Variants in DMD observed in about 807,000 individuals in gnomAD.
The protein encoded by DMD is mutant dystrophin.
Under a neutral mutation model 330.1 loss-of-function variants are expected in DMD, and 63 were observed. The observed-to-expected ratio is 0.19, with a 90% CI of 0.16 to 0.24. The LOEUF is 0.24. Ranked by LOEUF, DMD falls within the 10% of genes least tolerant of loss-of-function variation. The pLI is 1.00. For synonymous variants in DMD, 1,223 were observed against 959.8 expected, an observed-to-expected ratio of 1.27 and a Z score of -5.07; for missense variants, 3,344 against 2,684.1, an observed-to-expected ratio of 1.25 and a Z score of -5.43.
chrX:31,925,380 T>G (rs2094755616), intron 47 of DMD, among the ~76,000 whole-genome samples: 2 of 111,443 alleles, frequency 1.8e-5, no homozygotes, highest in South Asian at 7.5e-4. Flanking sequence ...ATATTTTGGT[T>G]TTAAATAAAT....
intron 1 of DMD, among the ~76,000 whole-genome samples, chrX:33,180,537 CTTG>C (rs1462929000): frequency 1.8e-5 from 2 of 111,230 alleles, no homozygotes; most frequent in South Asian, 3.8e-4. Context: ...CACTGTTTGT[CTTG>C]TTGTATCTCT....
intron 43 of DMD, among the ~76,000 whole-genome samples, chrX:32,268,876 G>C (rs192032008): frequency 9.0e-6 from 1 of 110,563 alleles, no homozygotes; most frequent in East Asian, 2.9e-4. Flanking sequence ...TAGATAGCTA[G>C]TCAGATATGA....
At chrX:32,013,440 G>A in intron 44 of DMD, among the ~76,000 whole-genome samples, 1 of 110,696 alleles carries the variant, frequency 9.0e-6, no homozygotes, top group East Asian at 2.8e-4. Flanking sequence ...TGCATTCTAG[G>A]GCTTGTATTT....
intron 44 of DMD, among the ~76,000 whole-genome samples, chrX:32,099,304 A>T (rs937128761): frequency 4.5e-5 from 5 of 111,133 alleles, no homozygotes; most frequent in African/African-American, 1.6e-4. Context: ...TCTTTTGAGA[A>T]GTGTCTGTTC....
At chrX:32,972,885 T>C (rs2092432922) in intron 2 of DMD, among the ~76,000 whole-genome samples, 1 of 112,149 alleles carries the variant, frequency 8.9e-6, no homozygotes, top group African/African-American at 3.2e-5. Context: ...TTCTGGATTA[T>C]TATATTTATT....
At chrX:32,236,976 T>C (rs939539514) in intron 43 of DMD, among the ~76,000 whole-genome samples, 2 of 111,949 alleles carry the variant, frequency 1.8e-5, no homozygotes, top group Non-Finnish European at 3.8e-5. Context: ...ACATAAATCC[T>C]TTATTGTTTT....
chrX:32,452,967 A>T (rs878933846), intron 26 of DMD, among the ~76,000 whole-genome samples: 3 of 110,822 alleles, frequency 2.7e-5, no homozygotes, highest in African/African-American at 9.8e-5. Context: ...GTGTTTCCAT[A>T]AAGATTTTTT....
chrX:32,484,684 G>T (rs1466559463), intron 21 of DMD, among the ~76,000 whole-genome samples: 1 of 112,015 alleles, frequency 8.9e-6, no homozygotes, highest in Admixed American at 9.5e-5. Context: ...CCAAGGAGAA[G>T]CTATTCCCAT....
At chrX:32,657,408 C>G (rs1326267563) in intron 9 of DMD, among the ~76,000 whole-genome samples, 1 of 112,059 alleles carries the variant, frequency 8.9e-6, no homozygotes, top group South Asian at 3.6e-4. Context: ...TATTAGATGG[C>G]ACATGAAAGA....
chrX:33,278,453 T>G (rs2053270769), intron 1 of DMD, among the ~76,000 whole-genome samples: 1 of 111,969 alleles, frequency 8.9e-6, no homozygotes, highest in African/African-American at 3.2e-5. Flanking sequence ...TGTTTCTGTG[T>G]TAATTCGCTT....
intron 48 of DMD, among the ~76,000 whole-genome samples, chrX:31,871,473 C>A (rs2093888325): frequency 9.1e-6 from 1 of 110,315 alleles, no homozygotes; most frequent in South Asian, 3.9e-4. Context: ...AAAACTGAGG[C>A]TCACAGAGAG....
At chrX:32,637,732 G>C (rs2059195367) in intron 11 of DMD, among the ~76,000 whole-genome samples, 1 of 111,182 alleles carries the variant, frequency 9.0e-6, no homozygotes, top group East Asian at 2.8e-4. Flanking sequence ...CAAGCAAAAG[G>C]GGAAAGGCCC....
intron 1 of DMD, among the ~76,000 whole-genome samples, chrX:33,195,732 T>TTGTGTGTGTGTG (rs71969580): frequency 0.02 from 1,953 of 97,665 alleles, 24 homozygotes; most frequent in East Asian, 0.044. Flanking sequence ...CTGTTCTATT[T>TTGTGTGTGTGTG]TGTGTGTGTG....
intron 1 of DMD, among the ~76,000 whole-genome samples, chrX:33,050,204 C>G (rs1481460986): frequency 9.0e-6 from 1 of 111,475 alleles, no homozygotes; most frequent in Non-Finnish European, 1.9e-5. Flanking sequence ...AAAATGTTTG[C>G]TCTGAATAGA....
At chrX:32,408,052 A>G (rs1328346685) in intron 30 of DMD, among the ~76,000 whole-genome samples, 1 of 109,852 alleles carries the variant, frequency 9.1e-6, no homozygotes, top group Non-Finnish European at 1.9e-5. Context: ...GTAGCACACC[A>G]ACATGGCACA....
intron 66 of DMD, among the ~76,000 whole-genome samples, chrX:31,205,077 G>A (rs1351495669): frequency 3.6e-5 from 4 of 111,888 alleles, no homozygotes; most frequent in African/African-American, 6.5e-5. Flanking sequence ...GGCAGTACCC[G>A]GTGGATAGTA....
chrX:32,768,938 C>A (rs1363594513), intron 7 of DMD, among the ~76,000 whole-genome samples: 1 of 111,715 alleles, frequency 9.0e-6, no homozygotes, highest in African/African-American at 3.3e-5. Flanking sequence ...GCACACATCC[C>A]CTTCATGTGG....
chrX:32,149,624 T>C (rs1369526686), intron 44 of DMD, among the ~76,000 whole-genome samples: 1 of 111,692 alleles, frequency 9.0e-6, no homozygotes, highest in East Asian at 2.8e-4. Flanking sequence ...AAGAATGTGT[T>C]GTAATGGAGT....
intron 75 of DMD, 132 bp from the exon 76 acceptor site, chrX:31,146,546 T>C (rs1161642936): frequency 3.1e-6 from 2 of 635,557 alleles, no homozygotes; most frequent in African/African-American, 4.4e-5. Flanking sequence ...CCAAAGATTG[T>C]TTAATTTGGG....
Sources: allele counts gnomAD v4.1 joint callset (sites outside exome capture counted in the v4.1 genomes callset), GRCh38; gene constraint gnomAD v4.1.1; transcripts MANE v1.5; gene names NCBI Gene and HGNC (gene_info 2026-07-23, HGNC 2026-07-21).